DORIP1: variants seen among roughly 807,000 people sequenced by gnomAD.
DORIP1 encodes dopamine receptor-interacting protein 1.
chr14:44,898,069 A>G, the DORIP1 span, among the ~76,000 whole-genome samples: 1 of 152,208 alleles, frequency 6.6e-6, no homozygotes, highest in African/African-American at 2.4e-5. Flanking sequence ...AGAGGTCAGG[A>G]GAGTTTTCCA....
the DORIP1 span, chr14:44,906,669 T>C: frequency 6.6e-6 from 1 of 152,630 alleles, no homozygotes; most frequent in Non-Finnish European, 1.5e-5. Context: ...TTGAAATTTA[T>C]CACCATTTTA....
At chr14:44,905,629 G>A in the DORIP1 span, 1 of 1,046,526 alleles carries the variant, frequency 9.6e-7, no homozygotes, top group Non-Finnish European at 1.3e-6. Context: ...GTGTATACTT[G>A]GTATCCAAGA....
the DORIP1 span, chr14:44,905,017 G>A: frequency 5.5e-6 from 1 of 182,712 alleles, no homozygotes; most frequent in African/African-American, 2.3e-5. Flanking sequence ...TATGCAGGTG[G>A]TCATAATTTA....
At chr14:44,901,934 C>T in the DORIP1 span, among the ~76,000 whole-genome samples, 4 of 152,236 alleles carry the variant, frequency 2.6e-5, no homozygotes, top group Middle Eastern at 0.014. Context: ...ACGTTAAAGC[C>T]TCCAAGGGAC....
chr14:44,902,072 T>A, the DORIP1 span, among the ~76,000 whole-genome samples: 1 of 152,198 alleles, frequency 6.6e-6, no homozygotes, highest in Non-Finnish European at 1.5e-5. Context: ...GAAATGTATA[T>A]CACATACCCT....
At chr14:44,897,466 G>A in the DORIP1 span, 22 of 211,298 alleles carry the variant, frequency 1.0e-4, no homozygotes, top group East Asian at 3.6e-3. Context: ...ACTCATAGAT[G>A]AGGCAGCGGC....
chr14:44,899,824 A>ATTTTTTT, the DORIP1 span, among the ~76,000 whole-genome samples: 2 of 115,300 alleles, frequency 1.7e-5, no homozygotes, highest in Non-Finnish European at 3.5e-5. Flanking sequence ...TCATTTAGGA[A>ATTTTTTT]TTTTTTTTTT....
the DORIP1 span, chr14:44,899,162 TCA>T: frequency 6.6e-6 from 1 of 152,244 alleles, no homozygotes; most frequent in Non-Finnish European, 1.5e-5. Flanking sequence ...TAAAAAGAAC[TCA>T]TTCTTTCAAA....
the DORIP1 span, chr14:44,906,722 G>C: frequency 2.0e-5 from 3 of 152,548 alleles, no homozygotes; most frequent in African/African-American, 7.2e-5. Context: ...GTTTGGGATT[G>C]AGATTAGTTG....
At chr14:44,904,859 AATT>A in the DORIP1 span, 10 of 195,230 alleles carry the variant, frequency 5.1e-5, no homozygotes, top group African/African-American at 2.1e-4. Context: ...AACCTAGTGC[AATT>A]ATTGTAAAGA....
the DORIP1 span, chr14:44,900,672 ACT>A: frequency 1.1e-5 from 17 of 1,611,092 alleles, no homozygotes; most frequent in East Asian, 1.3e-4. Context: ...TCCCTAGGGA[ACT>A]CTCTCTTCAT....
chr14:44,903,554 G>C, the DORIP1 span: 1 of 1,071,986 alleles, frequency 9.3e-7, no homozygotes, highest in Non-Finnish European at 1.1e-6. Context: ...CTGGAACCCA[G>C]CTAATTGGGA....
the DORIP1 span, among the ~76,000 whole-genome samples, chr14:44,898,208 T>A: frequency 6.6e-6 from 1 of 152,218 alleles, no homozygotes; most frequent in Non-Finnish European, 1.5e-5. Context: ...TTCACAGCTA[T>A]CTTTCCATCA....
the DORIP1 span, chr14:44,905,391 A>G: frequency 1.9e-6 from 3 of 1,538,698 alleles, no homozygotes; most frequent in African/African-American, 4.0e-5. Flanking sequence ...GTGCCACATT[A>G]TTTAACAAAG....
chr14:44,905,514 G>A, the DORIP1 span: 9 of 1,536,940 alleles, frequency 5.9e-6, no homozygotes, highest in Non-Finnish European at 8.0e-6. Flanking sequence ...TTCTCCTCTT[G>A]TCATCATTGG....
chr14:44,906,045 T>G, the DORIP1 span: 1 of 149,908 alleles, frequency 6.7e-6, no homozygotes, highest in Non-Finnish European at 1.5e-5. Context: ...AATGTACAAT[T>G]TATCGATGGC....
At chr14:44,901,022 T>A in the DORIP1 span, 5 of 1,481,136 alleles carry the variant, frequency 3.4e-6, no homozygotes, top group East Asian at 9.1e-5. Context: ...GCTTTAGATA[T>A]GTAGTCGTGT....
chr14:44,899,586 A>G, the DORIP1 span, among the ~76,000 whole-genome samples: 2 of 151,456 alleles, frequency 1.3e-5, no homozygotes, highest in Admixed American at 6.6e-5. Flanking sequence ...TTTTTTTTAC[A>G]TAGTTTTTCT....
the DORIP1 span, among the ~76,000 whole-genome samples, chr14:44,901,497 C>T: frequency 6.6e-6 from 1 of 152,180 alleles, no homozygotes; most frequent in Non-Finnish European, 1.5e-5. Flanking sequence ...TTTACAAAAC[C>T]AGCTGATAAC....
Sources: gnomAD v4.1 joint callset for allele counts (sites outside exome capture counted in the v4.1 genomes callset) on GRCh38, gnomAD v4.1.1 for gene constraint, MANE v1.5 for transcripts, NCBI Gene and HGNC (gene_info 2026-07-23, HGNC 2026-07-21) for gene names.